Variants in CTNNBL1 observed in about 807,000 individuals in gnomAD.
CTNNBL1 encodes beta-catenin-like protein 1.
CTNNBL1 carries 31 observed loss-of-function variants against 72.7 expected under a neutral mutation model. The observed-to-expected ratio is 0.43, with a 90% CI of 0.32 to 0.58. The LOEUF (loss-of-function observed/expected upper bound fraction) is 0.58, where lower values mean the gene tolerates loss of function less well. Among genes scored for constraint, CTNNBL1 ranks in the 20% least tolerant of loss-of-function variants. CTNNBL1 has a pLI of 0.08. For synonymous variants in CTNNBL1, 240 were observed against 267.3 expected (o/e 0.90, Z 1.00); for missense variants, 534 against 725.1 (o/e 0.74, Z 3.03).
intron 10 of CTNNBL1, among the ~76,000 whole-genome samples, chr20:37,797,871 C>A (rs1403763689): frequency 6.6e-6 from 1 of 152,194 alleles, no homozygotes; most frequent in Admixed American, 6.5e-5. Context: ...ATGCTTAACG[C>A]CTGTCTTTGC....
chr20:37,717,675 T>G (rs2072998962), intron 1 of CTNNBL1, among the ~76,000 whole-genome samples: 1 of 151,656 alleles, frequency 6.6e-6, no homozygotes, highest in African/African-American at 2.4e-5. Context: ...GGCAGGGTCA[T>G]AGGACAATAG....
chr20:37,871,841 G>C (rs2072587378), intron 15 of CTNNBL1, 84 bp from the exon 16 acceptor site: 1 of 1,193,902 alleles, frequency 8.4e-7, no homozygotes, highest in African/African-American at 1.5e-5. Context: ...TGGGAGCTGG[G>C]GTTCTGGGAA....
In CTNNBL1 at chr20:37,812,528, A is replaced by G. The variant is rs561679474; in HGVS notation, c.1213+9480A>G. Among the ~76,000 whole-genome samples, 11 of 152,328 alleles carry G rather than the reference A, an allele frequency of 7.2e-5. No homozygotes were observed. In the East Asian group the frequency reaches 2.1e-3, roughly 29 times the overall value. On this transcript the variant is annotated intron_variant, in intron 11 of 15. Coordinates refer to ENST00000361383, the MANE Select transcript of CTNNBL1 (RefSeq NM_030877.5). ...CTTTTCAAATTCATTACGTCTTCAAATAGGTACCAGACTCTTCTGTTTCAG... is the reference window on the plus strand; with the variant it reads ...CTTTTCAAATTCATTACGTCTTCAAGTAGGTACCAGACTCTTCTGTTTCAG...
intron 10 of CTNNBL1, among the ~76,000 whole-genome samples, chr20:37,788,309 G>A (rs1346842888): frequency 6.6e-6 from 1 of 152,160 alleles, no homozygotes. Flanking sequence ...TCTAGCAAAA[G>A]ATACACCTTT....
At chr20:37,806,284 C>T (rs80034624) in intron 11 of CTNNBL1, among the ~76,000 whole-genome samples, 776 of 152,292 alleles carry the variant, frequency 5.1e-3, no homozygotes, top group Non-Finnish European at 8.2e-3. Context: ...ATCAGCTCGC[C>T]AGTCCAGAAG....
In CTNNBL1 at chr20:37,767,882, A is replaced by G. The variant is rs1349397931; in HGVS notation, c.659-71A>G. The G allele has an allele frequency of 4.8e-6, 6 of 1,246,196 alleles. No homozygotes were observed. The African/African-American group carries it at 7.4e-5, about 15-fold the overall frequency. The allele number at this position is 1,246,196 out of a possible 1,614,324, so 77.2% of individuals were successfully genotyped here. ...TGGGGAGAGGAATAACATGCCTGTC[A>G]TGGGAAGCAAGCTTGTTGCAGATGG... On this transcript the variant is annotated intron_variant, in intron 6 of 15. Transcript: ENST00000361383.
chr20:37,842,809 C>T (rs2072315800), intron 13 of CTNNBL1, among the ~76,000 whole-genome samples: 1 of 152,218 alleles, frequency 6.6e-6, no homozygotes, highest in South Asian at 2.1e-4. Context: ...AGGGTGATCA[C>T]AGCGTAGAGG....
chr20:37,846,144 G>A (rs1217052513), intron 13 of CTNNBL1, among the ~76,000 whole-genome samples: 1 of 152,166 alleles, frequency 6.6e-6, no homozygotes, highest in Non-Finnish European at 1.5e-5. Flanking sequence ...TGGAGGATCC[G>A]GGGAGTGGGG....
intron 7 of CTNNBL1, among the ~76,000 whole-genome samples, chr20:37,775,733 GTATT>G (rs1187031452): frequency 1.3e-5 from 2 of 152,128 alleles, no homozygotes; most frequent in African/African-American, 4.8e-5. Context: ...TGCCTAATAA[GTATT>G]TATTGAAAGG....
At chr20:37,790,820 A>G (rs575748761) in intron 10 of CTNNBL1, among the ~76,000 whole-genome samples, 1 of 152,322 alleles carries the variant, frequency 6.6e-6, no homozygotes, top group Non-Finnish European at 1.5e-5. Flanking sequence ...CGAATTTTGC[A>G]ATATGTATAG....
At chr20:37,802,234 G>A (rs1277695466) in intron 10 of CTNNBL1, among the ~76,000 whole-genome samples, 1 of 152,176 alleles carries the variant, frequency 6.6e-6, no homozygotes, top group Admixed American at 6.5e-5. Context: ...ATTGCCAAGT[G>A]AAAGAAGCCA....
chr20:37,720,175 C>T (rs1293806499), intron 1 of CTNNBL1, among the ~76,000 whole-genome samples: 1 of 152,100 alleles, frequency 6.6e-6, no homozygotes, highest in Non-Finnish European at 1.5e-5. Flanking sequence ...CCACAGGCGC[C>T]TGCCACCATG....
rs940406594 is a variant in CTNNBL1 at position 37,801,290 on chromosome 20, C to G, written c.1032-1577C>G. ...TTTTGGAAGCAGAACCCATTTCTTACTGTTTTCTCTTGTGTCTACCACAGT... is the reference window on the plus strand; with the variant it reads ...TTTTGGAAGCAGAACCCATTTCTTAGTGTTTTCTCTTGTGTCTACCACAGT... On this transcript the variant is annotated intron_variant, in intron 10 of 15. Transcript: ENST00000361383. Among the ~76,000 whole-genome samples the G allele has an allele frequency of 2.0e-5, 3 of 152,032 alleles. No individual in the cohort carries two copies. The South Asian group carries it at 6.2e-4, about 32-fold the overall frequency.
chr20:37,802,736 C>A (rs1367467241), intron 10 of CTNNBL1, 131 bp from the exon 11 acceptor site: 1 of 692,436 alleles, frequency 1.4e-6, no homozygotes, highest in Non-Finnish European at 2.4e-6. Flanking sequence ...GACGTCTTCT[C>A]CTAATTGTTA....
At chr20:37,859,862 G>C (rs1277045278) in intron 13 of CTNNBL1, 37 bp from the exon 14 acceptor site, 2 of 1,608,776 alleles carry the variant, frequency 1.2e-6, no homozygotes, top group Non-Finnish European at 1.7e-6. Context: ...CCCATTCACT[G>C]TCCAGCTTTT....
In CTNNBL1 at chr20:37,802,851, C is replaced by A. The variant is rs1320178147; in HGVS notation, c.1032-16C>A. The A allele has an allele frequency of 6.3e-7, 1 of 1,591,196 alleles. No homozygotes were observed. The highest frequency in any genetic ancestry group is 8.6e-7 in the Non-Finnish European group (1 of 1,166,770). On this transcript the variant is annotated splice_polypyrimidine_tract_variant and intron_variant, in intron 10 of 15. Transcript: ENST00000361383. Reference sequence around the variant, plus strand: ...TCCCCATGAAATACCTTATCTGAAACCTCTTTTGTTCACAGGGAAAAGAAG... The same window carrying A: ...TCCCCATGAAATACCTTATCTGAAAACTCTTTTGTTCACAGGGAAAAGAAG...
At chr20:37,858,283 T>G (rs2072460775) in intron 13 of CTNNBL1, among the ~76,000 whole-genome samples, 2 of 152,226 alleles carry the variant, frequency 1.3e-5, no homozygotes, top group African/African-American at 2.4e-5. Context: ...GGGCCCTACC[T>G]TCACAGAGCT....
At chr20:37,810,656 T>C (rs2072003729) in intron 11 of CTNNBL1, among the ~76,000 whole-genome samples, 1 of 152,222 alleles carries the variant, frequency 6.6e-6, no homozygotes, top group Non-Finnish European at 1.5e-5. Context: ...TTAGGGATTC[T>C]GGGAAGGCTT....
chr20:37,778,175 T>C (rs182845942), intron 9 of CTNNBL1, among the ~76,000 whole-genome samples: 29 of 152,274 alleles, frequency 1.9e-4, no homozygotes, highest in East Asian at 1.5e-3. Context: ...GATGTGGTGC[T>C]GAAGGCTGGA....
Sources: gnomAD v4.1 joint callset for allele counts (sites outside exome capture counted in the v4.1 genomes callset) on GRCh38, gnomAD v4.1.1 for gene constraint, MANE v1.5 for transcripts, NCBI Gene and HGNC (gene_info 2026-07-23, HGNC 2026-07-21) for gene names.